KLRG1: variants seen among roughly 807,000 people sequenced by gnomAD.
The protein encoded by KLRG1 is killer cell lectin like receptor G1.
KLRG1 carries 16 observed loss-of-function variants against 21.8 expected under a neutral mutation model. The ratio of observed to expected loss-of-function variants is 0.73; its 90% CI spans 0.50 to 1.11. KLRG1 has a LOEUF of 1.11. KLRG1 is among the 50% of genes most tolerant of loss of function. The probability of loss-of-function intolerance (pLI) is 0.00; values close to 1 mark genes in which losing one functional copy is unlikely to be tolerated. For missense variants in KLRG1, 173 were observed against 218.3 expected (o/e 0.79, Z 1.31); for synonymous variants, 69 against 75.9 (o/e 0.91, Z 0.47).
At chr12:9,157,787 C>T in the KLRG1 span, 1 of 1,613,950 alleles carries the variant, frequency 6.2e-7, no homozygotes, top group Non-Finnish European at 8.5e-7. Flanking sequence ...AGAGGAATTT[C>T]CAGAAGGGCA....
At chr12:9,153,583 C>T in the KLRG1 span, among the ~76,000 whole-genome samples, 1 of 152,170 alleles carries the variant, frequency 6.6e-6, no homozygotes, top group Non-Finnish European at 1.5e-5. Context: ...TTTTCATTGA[C>T]AGTCCTTTTG....
the KLRG1 span, among the ~76,000 whole-genome samples, chr12:9,148,620 TACC>T: frequency 6.6e-5 from 10 of 152,148 alleles, no homozygotes; most frequent in Non-Finnish European, 1.5e-4. Flanking sequence ...CCAGTTATAT[TACC>T]ACGTTTATAT....
chr12:9,164,223 C>G, the KLRG1 span: 3 of 1,612,650 alleles, frequency 1.9e-6, no homozygotes, highest in Non-Finnish European at 2.5e-6. Flanking sequence ...TTTTGGGAAG[C>G]TAGGAAGGCT....
the KLRG1 span, among the ~76,000 whole-genome samples, chr12:9,185,077 T>A: frequency 1.3e-5 from 2 of 152,196 alleles, no homozygotes; most frequent in African/African-American, 2.4e-5. Context: ...TTAATAGGGC[T>A]GAGATGGCTG....
chr12:9,098,737 G>A, the KLRG1 span: 2 of 1,612,988 alleles, frequency 1.2e-6, no homozygotes, highest in South Asian at 1.1e-5. Flanking sequence ...ACTTTGTGAT[G>A]GGCTGAAGCT....
chr12:9,203,337 CTTTT>C, the KLRG1 span, among the ~76,000 whole-genome samples: 438 of 114,548 alleles, frequency 3.8e-3, 1 homozygote, highest in Middle Eastern at 0.015. Context: ...AACTACATTC[CTTTT>C]TTTTTTTTTT....
the KLRG1 span, chr12:9,201,026 C>G: frequency 6.2e-7 from 1 of 1,614,074 alleles, no homozygotes; most frequent in South Asian, 1.1e-5. Flanking sequence ...TAGCTTGAGA[C>G]TCTGCCATTG....
chr12:9,113,641 T>C, the KLRG1 span: 1 of 1,199,956 alleles, frequency 8.3e-7, no homozygotes, highest in South Asian at 1.4e-5. Context: ...TCATCAGTTC[T>C]ACACCAAGAG....
At chr12:9,168,915 G>A in the KLRG1 span, 27 of 1,613,962 alleles carry the variant, frequency 1.7e-5, no homozygotes, top group Non-Finnish European at 2.2e-5. Flanking sequence ...CGGAAGGGAT[G>A]ACTGAACACG....
chr12:9,078,136 G>A, the KLRG1 span, among the ~76,000 whole-genome samples: 59,889 of 151,924 alleles, frequency 0.39, 12,870 homozygotes, highest in African/African-American at 0.55. Context: ...ATAAGTATAC[G>A]TGTGCCATGG....
the KLRG1 span, chr12:9,076,703 C>A: frequency 6.3e-7 from 1 of 1,591,752 alleles, no homozygotes. Flanking sequence ...TTTTGCCATG[C>A]AGTTCTTGAT....
At chr12:8,991,970 A>C (rs1946983551) in intron 1 of KLRG1, 1 of 363,168 alleles carries the variant, frequency 2.8e-6, no homozygotes, top group African/African-American at 2.1e-5. Flanking sequence ...CACAGTTTCA[A>C]AGGAAAAAAG....
In KLRG1 at chr12:8,992,216, C is replaced by T. The variant is rs376742691; in HGVS notation, c.93C>T (p.Ser31=). 2 of 1,611,438 alleles carry T rather than the reference C, an allele frequency of 1.2e-6. No homozygotes were observed. Among genetic ancestry groups the T allele is most frequent in the African/African-American group, 1.3e-5 (1 of 74,716 alleles). ...DYGPQQKSSS[S]RPSCSCLVAI... ...ACTCTGTTGTTGCAGCTTCCTCTTC[C>T]AGGCCTTCTTGTTCTTGCCTTGTGG... The change falls in exon 2 of 5, where the codon TCC becomes TCT. Residue 31 remains serine, a synonymous_variant. Coordinates refer to ENST00000356986, the MANE Select transcript of KLRG1 (RefSeq NM_005810.4).
chr12:9,060,515 C>T, the KLRG1 span, among the ~76,000 whole-genome samples: 1 of 152,068 alleles, frequency 6.6e-6, no homozygotes. Flanking sequence ...GCCTATAGTT[C>T]CAGCTCCTAG....
At chr12:9,160,996 C>G in the KLRG1 span, 2 of 1,486,902 alleles carry the variant, frequency 1.3e-6, no homozygotes, top group Non-Finnish European at 1.9e-6. Context: ...AGTGGCAACT[C>G]TTTTGGCCCA....
At chr12:9,161,143 A>G in the KLRG1 span, 1 of 1,488,788 alleles carries the variant, frequency 6.7e-7, no homozygotes, top group African/African-American at 1.4e-5. Context: ...CCCATGTTAA[A>G]GGAGGACATC....
the KLRG1 span, among the ~76,000 whole-genome samples, chr12:9,208,837 A>C: frequency 1.3e-5 from 2 of 152,288 alleles, no homozygotes; most frequent in East Asian, 1.9e-4. Context: ...TCCTGGAAGA[A>C]AGTGATATAA....
the KLRG1 span, chr12:9,168,995 A>G: frequency 6.5e-7 from 1 of 1,533,270 alleles, no homozygotes; most frequent in South Asian, 1.1e-5. Flanking sequence ...ATAATTGTTC[A>G]ATCTACTTGT....
At chr12:9,112,821 A>G in the KLRG1 span, 1 of 390,710 alleles carries the variant, frequency 2.6e-6, no homozygotes, top group Non-Finnish European at 4.7e-6. Context: ...GCTGAGCTTT[A>G]CCAGGCTGAT....
Sources: gnomAD v4.1 joint callset for allele counts (sites outside exome capture counted in the v4.1 genomes callset) on GRCh38, gnomAD v4.1.1 for gene constraint, MANE v1.5 for transcripts, NCBI Gene and HGNC (gene_info 2026-07-23, HGNC 2026-07-21) for gene names.